EEPD1: variants seen among roughly 807,000 people sequenced by gnomAD.
EEPD1 encodes the protein endonuclease/exonuclease/phosphatase family domain-containing protein 1.
EEPD1 carries 17 observed loss-of-function variants against 46.3 expected under a neutral mutation model. That is an observed-to-expected ratio of 0.37 (90% CI 0.25 to 0.55). The LOEUF is 0.55. EEPD1 is among the 20% of genes least tolerant of loss of function. The pLI is 0.83. For missense variants in EEPD1, 673 were observed against 745.6 expected, an observed-to-expected ratio of 0.90 and a Z score of 1.13; for synonymous variants, 313 against 315.6, an observed-to-expected ratio of 0.99 and a Z score of 0.09.
intron 3 of EEPD1, among the ~76,000 whole-genome samples, chr7:36,241,619 C>T (rs1786554737): frequency 6.6e-6 from 1 of 151,798 alleles, no homozygotes; most frequent in Non-Finnish European, 1.5e-5. Flanking sequence ...GTAATCCCAG[C>T]GCTTTGGGAG....
intron 2 of EEPD1, among the ~76,000 whole-genome samples, chr7:36,199,213 T>A (rs1785668395): frequency 6.6e-6 from 1 of 152,166 alleles, no homozygotes; most frequent in Non-Finnish European, 1.5e-5. Flanking sequence ...CAGACCCATC[T>A]ATTTATCAAG....
intron 4 of EEPD1, among the ~76,000 whole-genome samples, chr7:36,283,324 G>A (rs1250045065): frequency 6.6e-6 from 1 of 152,178 alleles, no homozygotes; most frequent in African/African-American, 2.4e-5. Context: ...GGGGAAAACA[G>A]TGCTGAGCAG....
rs1391873259 is a variant in EEPD1, at chr7:36,300,787, G to A, written c.*1581G>A. Reference sequence around the variant, plus strand: ...GGACGGGAAGGGAACCCTCTTCCAGGAGCTCTAAGGGTACTTGGGAATCAA... The same window carrying A: ...GGACGGGAAGGGAACCCTCTTCCAGAAGCTCTAAGGGTACTTGGGAATCAA... On this transcript the variant is annotated 3_prime_UTR_variant, in exon 8 of 8. Coordinates refer to ENST00000242108, the MANE Select transcript of EEPD1 (RefSeq NM_030636.3). The A allele has an allele frequency of 6.6e-6, 1 of 152,222 alleles. No homozygotes were observed. The highest frequency in any genetic ancestry group is 2.4e-5 in the African/African-American group (1 of 41,442). The allele number at this position is 152,222 out of a possible 1,614,324, so 9.4% of individuals were successfully genotyped here.
rs545012288 is a variant in EEPD1 at position 36,299,786 on chromosome 7, C to T, written c.*580C>T. ...AGCCCTCCCCCGCCCCCTTCCCCCG[C>T]CCCCCAACGCGCAGTGTGTATTTGC... On this transcript the variant is annotated 3_prime_UTR_variant, in exon 8 of 8. Coordinates refer to ENST00000242108, the MANE Select transcript of EEPD1 (RefSeq NM_030636.3). 1,326 of 151,776 alleles carry T rather than the reference C, an allele frequency of 8.7e-3. 2 individuals are homozygous for T. The highest frequency in any genetic ancestry group is 0.015 in the Non-Finnish European group (1,001 of 68,982). 9.4% of individuals were successfully genotyped at this position (151,776 alleles called of 1,614,324 possible).
chr7:36,259,605 G>A (rs1786885393), intron 3 of EEPD1, among the ~76,000 whole-genome samples: 1 of 152,060 alleles, frequency 6.6e-6, no homozygotes, highest in Non-Finnish European at 1.5e-5. Flanking sequence ...AATCTCCTGG[G>A]CTCAGGTGAT....
intron 3 of EEPD1, among the ~76,000 whole-genome samples, chr7:36,275,560 C>T (rs1787168930): frequency 1.3e-5 from 2 of 152,178 alleles, no homozygotes; most frequent in Non-Finnish European, 2.9e-5. Context: ...GAGTCTCCTG[C>T]CTCAGCTTCC....
At chr7:36,181,077 T>C (rs1436839862) in intron 2 of EEPD1, among the ~76,000 whole-genome samples, 1 of 152,122 alleles carries the variant, frequency 6.6e-6, no homozygotes, top group African/African-American at 2.4e-5. Context: ...CCATTGTAGG[T>C]AGCCTGGAGA....
chr7:36,273,837 T>C (rs987457155), intron 3 of EEPD1, among the ~76,000 whole-genome samples: 2 of 152,204 alleles, frequency 1.3e-5, no homozygotes, highest in African/African-American at 4.8e-5. Flanking sequence ...AATGTGGCCC[T>C]CTGAGGAAAC....
intron 2 of EEPD1, among the ~76,000 whole-genome samples, chr7:36,190,545 G>A (rs1785444324): frequency 6.6e-6 from 1 of 152,208 alleles, no homozygotes; most frequent in Non-Finnish European, 1.5e-5. Context: ...AAAGCTGCAA[G>A]TCCATTTTTA....
chr7:36,155,131 G>T lies in EEPD1; in HGVS notation c.807G>T (p.Gln269His), dbSNP rs1784806957. 4 of 1,541,650 alleles carry T rather than the reference G, an allele frequency of 2.6e-6. No homozygotes were observed. In the South Asian group the frequency reaches 5.1e-5, roughly 20 times the overall value. ...PVLRLATWNL[Q>H]GCSVEKANNP... ...TGAGGCTGGCCACCTGGAACTTGCA[G>T]GGCTGTTCCGTGGAGAAGGCCAACA... Residue 269 changes from glutamine to histidine, a missense_variant, in exon 2 of 8, where the codon CAG (glutamine) becomes CAT (histidine). Coordinates refer to ENST00000242108, the MANE Select transcript of EEPD1 (RefSeq NM_030636.3).
At chr7:36,297,954 A>G (rs931314485) in intron 7 of EEPD1, among the ~76,000 whole-genome samples, 5 of 152,250 alleles carry the variant, frequency 3.3e-5, no homozygotes, top group African/African-American at 1.2e-4. Context: ...AAATTTAAAA[A>G]TAAAAGTTGC....
chr7:36,212,441 A>G (rs1366523210), intron 2 of EEPD1, among the ~76,000 whole-genome samples: 1 of 151,206 alleles, frequency 6.6e-6, no homozygotes, highest in African/African-American at 2.4e-5. Context: ...AGTCAGAAAA[A>G]TGTGAAAAAA....
intron 5 of EEPD1, among the ~76,000 whole-genome samples, chr7:36,286,246 A>G (rs574229905): frequency 1.3e-5 from 2 of 152,344 alleles, no homozygotes; most frequent in African/African-American, 4.8e-5. Flanking sequence ...TTCATGTCAC[A>G]TTATAGGCCT....
At position 36,297,167 on chromosome 7, in the gene EEPD1, G is replaced by A. The variant is rs1171329268; in HGVS notation, c.1490G>A (p.Ser497Asn). ...CTGGACAACATCTGGATCAGTAAAA[G>A]CTTAAAGAAGGTTTTCACAGGTGAG... ...KSLDNIWISK[S>N]LKKVFTGHWA... The change falls in exon 7 of 8, where the codon AGC (serine) becomes AAC (asparagine). Residue 497 changes from serine (S) to asparagine (N), a missense_variant. Coordinates refer to ENST00000242108, the MANE Select transcript of EEPD1 (RefSeq NM_030636.3). The A allele has an allele frequency of 6.2e-7, 1 of 1,614,142 alleles. No individual in the cohort carries two copies. Among genetic ancestry groups the A allele is most frequent in the East Asian group, 2.2e-5 (1 of 44,882 alleles).
intron 3 of EEPD1, among the ~76,000 whole-genome samples, chr7:36,248,314 A>AC (rs1348248955): frequency 6.7e-6 from 1 of 148,830 alleles, no homozygotes; most frequent in African/African-American, 2.5e-5. Context: ...AAGCGATTTT[A>AC]CCCCCCTCAG....
At chr7:36,272,055 G>T (rs1232584081) in intron 3 of EEPD1, among the ~76,000 whole-genome samples, 4 of 151,682 alleles carry the variant, frequency 2.6e-5, no homozygotes, top group Non-Finnish European at 4.4e-5. Flanking sequence ...CTAATTTTTT[G>T]TGTTTTTAGT....
At chr7:36,281,048 GGCC>G in intron 3 of EEPD1, 64 bp from the exon 4 acceptor site, 1 of 1,402,752 alleles carries the variant, frequency 7.1e-7, no homozygotes, top group Non-Finnish European at 1.0e-6. Flanking sequence ...TGGCTTCTCA[GGCC>G]GCCGCCAGCC....
intron 2 of EEPD1, among the ~76,000 whole-genome samples, chr7:36,230,515 G>A (rs1786305047): frequency 6.6e-6 from 1 of 152,050 alleles, no homozygotes; most frequent in Non-Finnish European, 1.5e-5. Context: ...CCCTGAGCAG[G>A]CCATGCTCAC....
chr7:36,293,520 A>G, intron 6 of EEPD1, among the ~76,000 whole-genome samples: 1 of 152,176 alleles, frequency 6.6e-6, no homozygotes, highest in Non-Finnish European at 1.5e-5. Context: ...TAATATTTTT[A>G]TGAACTCCTG....
Sources: gnomAD v4.1 joint callset for allele counts (sites outside exome capture counted in the v4.1 genomes callset) on GRCh38, gnomAD v4.1.1 for gene constraint, MANE v1.5 for transcripts, NCBI Gene and HGNC (gene_info 2026-07-23, HGNC 2026-07-21) for gene names.